Variants in CDK14 observed in about 807,000 individuals in gnomAD.
CDK14 encodes cyclin-dependent kinase 14.
A neutral mutation model predicts 60.7 loss-of-function variants in CDK14; 34 were observed. The observed-to-expected ratio is 0.56, with a 90% CI of 0.43 to 0.75. CDK14 has a LOEUF of 0.75. CDK14 is among the 30% of genes least tolerant of loss of function. The probability of loss-of-function intolerance (pLI) is 0.00; values close to 1 mark genes in which losing one functional copy is unlikely to be tolerated. For missense variants in CDK14, 482 were observed against 564.1 expected, an observed-to-expected ratio of 0.85 and a Z score of 1.47; for synonymous variants, 197 against 203.7, an observed-to-expected ratio of 0.97 and a Z score of 0.28.
chr7:90,972,376 A>G (rs1794956463), intron 9 of CDK14, among the ~76,000 whole-genome samples: 1 of 152,256 alleles, frequency 6.6e-6, no homozygotes, highest in Non-Finnish European at 1.5e-5. Context: ...GCAAATGCCA[A>G]AATGAAAAGA....
At chr7:90,977,543 A>C (rs988936114) in intron 9 of CDK14, among the ~76,000 whole-genome samples, 1 of 152,128 alleles carries the variant, frequency 6.6e-6, no homozygotes, top group African/African-American at 2.4e-5. Context: ...AAGCTTTAAG[A>C]CTAGGAGATC....
intron 5 of CDK14, among the ~76,000 whole-genome samples, chr7:90,799,061 T>G (rs1788537365): frequency 6.6e-6 from 1 of 152,208 alleles, no homozygotes; most frequent in Non-Finnish European, 1.5e-5. Flanking sequence ...ACTTCCACGT[T>G]TTTTGTTGTC....
intron 8 of CDK14, among the ~76,000 whole-genome samples, chr7:90,933,474 A>G (rs1334684964): frequency 6.6e-6 from 1 of 152,244 alleles, no homozygotes; most frequent in South Asian, 2.1e-4. Flanking sequence ...AAATCTTCAC[A>G]TAGTCTCCTT....
chr7:90,997,748 G>A (rs943357272), intron 10 of CDK14, among the ~76,000 whole-genome samples: 5 of 152,158 alleles, frequency 3.3e-5, no homozygotes, highest in African/African-American at 7.2e-5. Context: ...ATAATAAAAT[G>A]AAATACTGCT....
intron 2 of CDK14, among the ~76,000 whole-genome samples, chr7:90,640,496 A>G (rs1005476155): frequency 1.3e-5 from 2 of 152,110 alleles, no homozygotes; most frequent in Non-Finnish European, 2.9e-5. Flanking sequence ...TATTTATTTC[A>G]TTAGGTTGAA....
intron 5 of CDK14, among the ~76,000 whole-genome samples, chr7:90,814,930 G>T (rs1026535391): frequency 3.3e-5 from 5 of 152,210 alleles, no homozygotes; most frequent in African/African-American, 1.2e-4. Context: ...TTTAAAATTT[G>T]AGTCTTCCTC....
intron 2 of CDK14, among the ~76,000 whole-genome samples, chr7:90,683,576 G>A (rs1286836024): frequency 2.0e-5 from 3 of 152,200 alleles, no homozygotes; most frequent in Non-Finnish European, 4.4e-5. Context: ...CAAGGCGGGC[G>A]GATCACCTGA....
intron 12 of CDK14, among the ~76,000 whole-genome samples, chr7:91,090,223 A>G (rs1016861581): frequency 6.6e-6 from 1 of 152,106 alleles, no homozygotes; most frequent in Non-Finnish European, 1.5e-5. Flanking sequence ...TCCAGTCTCT[A>G]CCGTTCATCT....
chr7:90,862,367 T>A (rs1211508436), intron 5 of CDK14, among the ~76,000 whole-genome samples: 1 of 152,170 alleles, frequency 6.6e-6, no homozygotes, highest in Non-Finnish European at 1.5e-5. Flanking sequence ...GAATGGTGGA[T>A]GCCTATACAA....
chr7:91,149,908 G>A (rs575343209), intron 14 of CDK14, among the ~76,000 whole-genome samples: 7 of 152,276 alleles, frequency 4.6e-5, no homozygotes, highest in South Asian at 4.1e-4. Flanking sequence ...AGGGGATTGC[G>A]ATGTAGTGAT....
chr7:90,806,197 G>T (rs1246990233), intron 5 of CDK14, among the ~76,000 whole-genome samples: 2 of 152,080 alleles, frequency 1.3e-5, no homozygotes, highest in African/African-American at 4.8e-5. Flanking sequence ...AGGAAATCTG[G>T]TAGAAAATTT....
chr7:91,117,273 C>T (rs548704642), intron 13 of CDK14, among the ~76,000 whole-genome samples: 68 of 151,444 alleles, frequency 4.5e-4, no homozygotes, highest in South Asian at 1.3e-3. Flanking sequence ...TTGTTGCTAC[C>T]TTCACAGTAT....
chr7:90,753,136 C>A (rs1803914452), intron 4 of CDK14, among the ~76,000 whole-genome samples: 1 of 152,090 alleles, frequency 6.6e-6, no homozygotes, highest in African/African-American at 2.4e-5. Context: ...GCCTTATCAT[C>A]GAGGATGATG....
intron 5 of CDK14, among the ~76,000 whole-genome samples, chr7:90,826,992 A>G (rs1342196925): frequency 1.3e-5 from 2 of 152,004 alleles, no homozygotes; most frequent in Non-Finnish European, 1.5e-5. Flanking sequence ...TAGATATTAC[A>G]TACATGCAGA....
At chr7:90,748,105 G>T (rs529377911) in intron 4 of CDK14, among the ~76,000 whole-genome samples, 2 of 152,250 alleles carry the variant, frequency 1.3e-5, no homozygotes, top group Admixed American at 6.5e-5. Flanking sequence ...GAGATTTAGT[G>T]TTGGGAATAG....
At chr7:91,189,503 C>G (rs1802291648) in intron 14 of CDK14, among the ~76,000 whole-genome samples, 1 of 152,130 alleles carries the variant, frequency 6.6e-6, no homozygotes, top group Non-Finnish European at 1.5e-5. Flanking sequence ...ACAATTACCA[C>G]TTAAAATTTC....
chr7:90,807,433 CAGAA>C (rs1788899140), intron 5 of CDK14, among the ~76,000 whole-genome samples: 1 of 152,156 alleles, frequency 6.6e-6, no homozygotes, highest in African/African-American at 2.4e-5. Context: ...AACTAACAAA[CAGAA>C]AGGACATCCA....
At chr7:91,200,861 A>G (rs1802693898) in intron 14 of CDK14, among the ~76,000 whole-genome samples, 1 of 152,234 alleles carries the variant, frequency 6.6e-6, no homozygotes, top group South Asian at 2.1e-4. Flanking sequence ...ACATGTGGGT[A>G]GAATAATTCA....
chr7:91,047,192 A>C (rs1439604225), intron 11 of CDK14, among the ~76,000 whole-genome samples: 1 of 152,204 alleles, frequency 6.6e-6, no homozygotes, highest in Non-Finnish European at 1.5e-5. Context: ...GCTCTTAAAG[A>C]AGGTTAACTT....
Sources: gnomAD v4.1 joint callset for allele counts (sites outside exome capture counted in the v4.1 genomes callset) on GRCh38, gnomAD v4.1.1 for gene constraint, MANE v1.5 for transcripts, NCBI Gene and HGNC (gene_info 2026-07-23, HGNC 2026-07-21) for gene names.